MYH11: variants seen among roughly 807,000 people sequenced by gnomAD.
The protein encoded by MYH11 is myosin heavy chain 11, also known as myosin-11.
Under a neutral mutation model 246.6 loss-of-function variants are expected in MYH11, and 80 were observed. The observed-to-expected ratio is 0.32, with a 90% CI of 0.27 to 0.39. The LOEUF is 0.39. MYH11 is among the 10% of genes least tolerant of loss of function. The pLI is 1.00. For missense variants in MYH11, 2,158 were observed against 2,546.8 expected, an observed-to-expected ratio of 0.85 and a Z score of 3.29; for synonymous variants, 1,071 against 1,015.5, an observed-to-expected ratio of 1.05 and a Z score of -1.04.
At chr16:15,788,426 A>G (rs1256676188) in intron 4 of MYH11, among the ~76,000 whole-genome samples, 2 of 151,982 alleles carry the variant, frequency 1.3e-5, no homozygotes, top group Non-Finnish European at 2.9e-5. Context: ...GTGCCACCAA[A>G]GCTAGTACAG....
At chr16:15,727,178 A>G (rs1277151043) in intron 27 of MYH11, 124 bp from the exon 28 acceptor site, 1 of 815,100 alleles carries the variant, frequency 1.2e-6, no homozygotes, top group African/African-American at 1.7e-5. Flanking sequence ...CACAATCACC[A>G]GTAAGAGATT....
intron 1 of MYH11, among the ~76,000 whole-genome samples, chr16:15,839,690 T>C (rs1216086998): frequency 1.3e-5 from 2 of 148,580 alleles, no homozygotes; most frequent in Non-Finnish European, 3.0e-5. Context: ...CGAGACTCTG[T>C]CTCGAAAAAA....
intron 36 of MYH11, 157 bp downstream of exon 36, chr16:15,719,063 G>A (rs1008022610): frequency 8.4e-6 from 6 of 715,746 alleles, no homozygotes; most frequent in East Asian, 2.7e-5. Flanking sequence ...GGGAGGTGGA[G>A]GTTGCAGTGA....
Position 15,784,395 on chromosome 16 carries a change from C to T in MYH11, c.634-1918G>A, listed in dbSNP as rs8045778. On this transcript the variant is annotated intron_variant, in intron 5 of 40. Coordinates refer to ENST00000300036, the MANE Select transcript of MYH11 (RefSeq NM_002474.3). ...TTGTTCCAGTCAAGGGTACCAGGAG[C>T]GGATGCTTTGAAGGGTGCAGGGGTT... is the stretch of plus-strand genomic sequence containing the variant. 0.22 allele frequency among the ~76,000 whole-genome samples: 32,976 copies of T among 151,940 alleles called. 3,667 individuals are homozygous for T. Among genetic ancestry groups the T allele is most frequent in the East Asian group, 0.32 (1,622 of 5,148 alleles).
intron 40 of MYH11, chr16:15,714,038 G>A (rs1317405634): frequency 6.6e-6 from 1 of 152,368 alleles, no homozygotes; most frequent in Non-Finnish European, 1.5e-5. Flanking sequence ...GGTAGAAGCA[G>A]CAGGATCACC....
rs770874762 is a variant in MYH11, at chr16:15,721,608, A to G, written c.4392T>C (p.Ser1464=). 1 of 1,614,104 alleles carries G rather than the reference A, an allele frequency of 6.2e-7. No homozygotes were observed. The highest frequency in any genetic ancestry group is 8.5e-7 in the Non-Finnish European group (1 of 1,180,022). Residue 1464 remains serine, a synonymous_variant, in exon 32 of 41, where the codon TCT becomes TCC. Transcript: ENST00000300036. ...DQLLAEEKNI[S]SKYADERDRA... ...TGTCCCTCTCATCCGCGTATTTGGA[A>G]GAGATGTTTTTCTCCTCGGCTAACA...
intron 1 of MYH11, among the ~76,000 whole-genome samples, chr16:15,854,227 G>T (rs936049544): frequency 6.6e-6 from 1 of 152,104 alleles, no homozygotes; most frequent in Non-Finnish European, 1.5e-5. Flanking sequence ...TAGGCTTCCC[G>T]GTTCTGCCAA....
At chr16:15,771,501 AAG>A in intron 9 of MYH11, 66 bp downstream of exon 9, 1 of 1,558,662 alleles carries the variant, frequency 6.4e-7, no homozygotes, top group Non-Finnish European at 8.8e-7. Context: ...CTGACCAGAG[AAG>A]AGTTCTTAAC....
intron 11 of MYH11, 40 bp downstream of exon 11, chr16:15,760,500 G>T (rs767946680): frequency 7.2e-7 from 1 of 1,385,160 alleles, no homozygotes; most frequent in Admixed American, 1.7e-5. Context: ...TGGATGGATG[G>T]GTGGGTGCAT....
chr16:15,716,199 C>G (rs1055313096), intron 38 of MYH11, among the ~76,000 whole-genome samples: 8 of 152,116 alleles, frequency 5.3e-5, no homozygotes, highest in Non-Finnish European at 7.4e-5. Flanking sequence ...TCCCAAAGTG[C>G]CGGGATTATG....
At chr16:15,767,682 A>G (rs1453658979) in intron 9 of MYH11, among the ~76,000 whole-genome samples, 1 of 152,126 alleles carries the variant, frequency 6.6e-6, no homozygotes, top group Non-Finnish European at 1.5e-5. Context: ...ACAAGATCTC[A>G]AGATGAGATC....
intron 40 of MYH11, among the ~76,000 whole-genome samples, chr16:15,710,805 G>C (rs923344276): frequency 6.6e-6 from 1 of 152,022 alleles, no homozygotes; most frequent in Non-Finnish European, 1.5e-5. Flanking sequence ...AGCCTCACGA[G>C]TAGCTGGGAT....
chr16:15,742,998 C>CTT (rs57274938), intron 20 of MYH11, among the ~76,000 whole-genome samples: 52 of 131,178 alleles, frequency 4.0e-4, no homozygotes, highest in African/African-American at 1.3e-3. Flanking sequence ...AGGTAGAAGT[C>CTT]TTTTTTTTTT....
intron 3 of MYH11, among the ~76,000 whole-genome samples, chr16:15,819,939 A>G (rs16967390): frequency 0.013 from 1,986 of 152,266 alleles, 44 homozygotes; most frequent in African/African-American, 0.043. Flanking sequence ...CACCTTGCCA[A>G]TTATTGGGTA....
At chr16:15,771,005 T>G (rs1193416431) in intron 9 of MYH11, among the ~76,000 whole-genome samples, 2 of 152,014 alleles carry the variant, frequency 1.3e-5, no homozygotes, top group African/African-American at 4.8e-5. Context: ...TGAACTTTTT[T>G]TTTTTTTGAG....
intron 22 of MYH11, among the ~76,000 whole-genome samples, chr16:15,740,893 T>G (rs1862953465): frequency 6.6e-6 from 1 of 152,158 alleles, no homozygotes; most frequent in South Asian, 2.1e-4. Flanking sequence ...CTCAGATCAC[T>G]CCTTCTGGGG....
intron 1 of MYH11, among the ~76,000 whole-genome samples, chr16:15,842,762 C>CAAAAAAAAAAAAAAAAAAAA (rs757920488): frequency 5.1e-5 from 1 of 19,642 alleles, no homozygotes; most frequent in Non-Finnish European, 1.4e-4. Flanking sequence ...AGACTTCATC[C>CAAAAAAAAAAAAAAAAAAAA]AAAAAAAAAA....
chr16:15,735,227 A>G (rs553996164), intron 26 of MYH11, 139 bp downstream of exon 26: 7 of 894,252 alleles, frequency 7.8e-6, no homozygotes, highest in African/African-American at 3.3e-5. Flanking sequence ...CCATGCTTCT[A>G]TAAGTTAAAG....
At chr16:15,824,585 A>G (rs62031667) in intron 2 of MYH11, among the ~76,000 whole-genome samples, 23,055 of 152,112 alleles carry the variant, frequency 0.15, 1,897 homozygotes, top group African/African-American at 0.2. Context: ...TCAGCCAGAG[A>G]GGGAATGTCG....
Sources: gnomAD v4.1 joint callset for allele counts (sites outside exome capture counted in the v4.1 genomes callset) on GRCh38, gnomAD v4.1.1 for gene constraint, MANE v1.5 for transcripts, NCBI Gene and HGNC (gene_info 2026-07-23, HGNC 2026-07-21) for gene names.